Variants in DTX2 observed in about 807,000 individuals in gnomAD.
DTX2 encodes the protein deltex E3 ubiquitin ligase 2.
Under a neutral mutation model 55.3 loss-of-function variants are expected in DTX2, and 29 were observed. The observed-to-expected ratio is 0.52, with a 90% CI of 0.39 to 0.71. DTX2 has a LOEUF of 0.71. DTX2 is among the 30% of genes least tolerant of loss of function. DTX2 has a pLI of 0.00. For synonymous variants in DTX2, 276 were observed against 340.4 expected (o/e 0.81, Z 2.08); for missense variants, 537 against 822.5 (o/e 0.65, Z 4.25).
rs746628260 is a variant in DTX2, at chr7:76,502,364, G to A, written c.1297G>A (p.Ala433Thr). 1.2e-6 allele frequency: 2 copies of A among 1,612,314 alleles called. No homozygotes were observed. The highest frequency in any genetic ancestry group is 2.2e-5 in the East Asian group (1 of 44,846). Residue 433 changes from alanine to threonine, a missense_variant, in exon 8 of 11, where the codon GCA becomes ACA. Around this residue, in one of 7 missense-constraint regions of DTX2, gnomAD observed 121 missense variants for 136.8 expected, o/e 0.88. Coordinates refer to ENST00000430490, the MANE Select transcript of DTX2 (RefSeq NM_001102594.3). ...SGYSDVTDSK[A>T]IGSLAVGHLT... Reference sequence around the variant, plus strand: ...ATACAGCGATGTGACTGACAGCAAGGCAATCGGGTCCCTAGCTGTGGGCCA... The same window carrying A: ...ATACAGCGATGTGACTGACAGCAAGACAATCGGGTCCCTAGCTGTGGGCCA...
chr7:76,503,382 G>A (rs577144022), intron 8 of DTX2, 44 bp from the exon 9 acceptor site: 24 of 1,595,214 alleles, frequency 1.5e-5, no homozygotes, highest in Middle Eastern at 4.0e-4. Context: ...GGTCTTGGGT[G>A]TTCTCAGACT....
intron 4 of DTX2, 103 bp downstream of exon 4, chr7:76,483,250 G>T: frequency 2.2e-6 from 3 of 1,388,002 alleles, no homozygotes; most frequent in Non-Finnish European, 2.9e-6. Flanking sequence ...CCCCCTAGGT[G>T]GTCCTGCCGT....
chr7:76,503,724 A>G (rs2690527), intron 9 of DTX2, 137 bp downstream of exon 9: 20,366 of 909,606 alleles, frequency 0.022, 540 homozygotes, highest in East Asian at 0.045. Flanking sequence ...CTAAGGCCAG[A>G]GCCATGGAGG....
chr7:76,467,058 G>T (rs541240888), intron 2 of DTX2, among the ~76,000 whole-genome samples: 2 of 151,846 alleles, frequency 1.3e-5, no homozygotes, highest in Admixed American at 1.3e-4. Context: ...AGGCTACCAT[G>T]CTTAGCTAAT....
At position 76,505,134 on chromosome 7, in the gene DTX2, C is replaced by T. The variant is rs1380474675; in HGVS notation, c.1642-240C>T. 2.6e-5 allele frequency among the ~76,000 whole-genome samples: 4 copies of T among 152,042 alleles called. No homozygotes were observed. In the South Asian group the frequency reaches 6.2e-4, roughly 24 times the overall value. On this transcript the variant is annotated intron_variant, in intron 10 of 10. Coordinates refer to ENST00000430490, the MANE Select transcript of DTX2 (RefSeq NM_001102594.3). The surrounding 1 kb of genome is among the most constrained non-coding windows in gnomAD (Gnocchi z 4.4). ...ATGGTGCCTGGGCATCAGGACCAAACGGATGGCAGTGCCAGGCACTGAGGC... is the reference window on the plus strand; with the variant it reads ...ATGGTGCCTGGGCATCAGGACCAAATGGATGGCAGTGCCAGGCACTGAGGC...
chr7:76,466,447 T>A (rs1807194870), intron 2 of DTX2, among the ~76,000 whole-genome samples: 1 of 151,766 alleles, frequency 6.6e-6, no homozygotes, highest in South Asian at 2.1e-4. Flanking sequence ...TTTAAAAAGT[T>A]TTCTACTTTA....
At chr7:76,501,516 C>G (rs1301616827) in intron 7 of DTX2, among the ~76,000 whole-genome samples, 1 of 151,410 alleles carries the variant, frequency 6.6e-6, no homozygotes, top group Non-Finnish European at 1.5e-5. Flanking sequence ...CCTGGAACCG[C>G]CAGCAGGACC....
At chr7:76,501,237 C>T (rs1263975740) in intron 7 of DTX2, 2 of 455,340 alleles carry the variant, frequency 4.4e-6, no homozygotes, top group African/African-American at 4.0e-5. Flanking sequence ...CCCCAGTACC[C>T]AGGGACTCTT....
rs1812185837 is a variant in DTX2 at position 76,505,047 on chromosome 7, A to C, written c.1642-327A>C. Among the ~76,000 whole-genome samples the C allele has an allele frequency of 3.6e-4, 1 of 2,758 alleles. No homozygotes were observed. Among genetic ancestry groups the C allele is most frequent in the African/African-American group, 1.6e-3 (1 of 626 alleles). 1.8% of individuals were successfully genotyped at this position (2,758 alleles called of 152,430 possible). ...AGGGCAGGGAGGCCTGGATTCCACC[A>C]GGGAGGGTGGGTGGGCGGGCGCTCG... On this transcript the variant is annotated intron_variant, in intron 10 of 10. Transcript: ENST00000430490. This position sits in a 1 kb window ranked among gnomAD's most constrained non-coding sequence, Gnocchi z 4.4.
chr7:76,469,533 C>T (rs1478728075), intron 2 of DTX2, among the ~76,000 whole-genome samples: 1 of 150,492 alleles, frequency 6.6e-6, no homozygotes, highest in Non-Finnish European at 1.5e-5. Flanking sequence ...ACTGGGACTA[C>T]AGGCGCTCGC....
chr7:76,481,621 T>C (rs554132136), intron 3 of DTX2, among the ~76,000 whole-genome samples: 14 of 151,920 alleles, frequency 9.2e-5, no homozygotes, highest in Non-Finnish European at 1.3e-4. Flanking sequence ...TTGGAGACAT[T>C]GTTGGTTGTT....
intron 6 of DTX2, chr7:76,500,072 T>C (rs1399602818): frequency 2.8e-6 from 1 of 360,130 alleles, no homozygotes; most frequent in Middle Eastern, 1.0e-3. Flanking sequence ...CTGGAGTAGT[T>C]TGTGCCCGAA....
chr7:76,474,975 T>C (rs1421994733), intron 2 of DTX2: 1 of 152,090 alleles, frequency 6.6e-6, no homozygotes, highest in African/African-American at 2.4e-5. Flanking sequence ...GGGTTTGTTT[T>C]TCCTGGTCAA....
chr7:76,503,758 G>C (rs1812011363), intron 9 of DTX2, among the ~76,000 whole-genome samples, 171 bp downstream of exon 9: 1 of 150,196 alleles, frequency 6.7e-6, no homozygotes, highest in Admixed American at 6.7e-5. Context: ...AGGCAGTGCC[G>C]GGGCTTAGGG....
At chr7:76,490,977 A>G (rs1810343459) in intron 4 of DTX2, among the ~76,000 whole-genome samples, 1 of 121,758 alleles carries the variant, frequency 8.2e-6, no homozygotes, top group Non-Finnish European at 1.7e-5. Flanking sequence ...TCCTCTAAAC[A>G]GGTGCTATGA....
chr7:76,468,444 T>G (rs2116162911), intron 2 of DTX2, among the ~76,000 whole-genome samples: 1 of 67,158 alleles, frequency 1.5e-5, no homozygotes, highest in Non-Finnish European at 2.8e-5. Flanking sequence ...TCTGGCCCAC[T>G]GCCATTTTTT....
At position 76,502,456 on chromosome 7, in the gene DTX2, G is replaced by C; in HGVS notation, c.1389G>C (p.Lys463Asn). The C allele has an allele frequency of 6.2e-7, 1 of 1,611,178 alleles. No individual in the cohort carries two copies. Among genetic ancestry groups the C allele is most frequent in the Non-Finnish European group, 8.5e-7 (1 of 1,179,590 alleles). The change falls in exon 8 of 11, where the codon AAG (lysine) becomes AAC (asparagine). Residue 463 changes from lysine (K) to asparagine (N), a missense_variant and splice_region_variant. Coordinates refer to ENST00000430490, the MANE Select transcript of DTX2 (RefSeq NM_001102594.3). ...CLLAMYCNGN[K>N]DGSLQCPSCK... Reference sequence around the variant, plus strand: ...TGGCCATGTACTGCAACGGCAATAAGGTGCCCCCACTGGCCCAGGGCGGAG... The same window carrying C: ...TGGCCATGTACTGCAACGGCAATAACGTGCCCCCACTGGCCCAGGGCGGAG...
At chr7:76,501,161 T>C (rs1262637881) in intron 7 of DTX2, 1 of 401,638 alleles carries the variant, frequency 2.5e-6, no homozygotes, top group East Asian at 7.2e-5. Context: ...AGGGGGTGGG[T>C]GAACGGCCGG....
In DTX2 at chr7:76,480,578, A is replaced by T; in HGVS notation, c.69A>T (p.Glu23Asp). 1 of 1,612,886 alleles carries T rather than the reference A, an allele frequency of 6.2e-7. No individual in the cohort carries two copies. The highest frequency in any genetic ancestry group is 8.5e-7 in the Non-Finnish European group (1 of 1,179,966). ...GCCCCGCGGCTGTGGCCGTGTGGGAATGGCAGGACGGGCTGGGCACCTGGC... is the reference window on the plus strand; with the variant it reads ...GCCCCGCGGCTGTGGCCGTGTGGGATTGGCAGGACGGGCTGGGCACCTGGC... The part of the protein sequence containing the change: ...YTSPAAVAVW[E>D]WQDGLGTWHP... Residue 23 changes from glutamate to aspartate, a missense_variant, in exon 3 of 11, where the codon GAA (glutamate) becomes GAT (aspartate). Physicochemically the swap from Glu to Asp is conservative, Grantham distance 45. Transcript: ENST00000430490.
Sources: allele counts gnomAD v4.1 joint callset (sites outside exome capture counted in the v4.1 genomes callset), GRCh38; gene constraint gnomAD v4.1.1; regional missense constraint gnomAD v4.1.1; non-coding constraint Gnocchi (gnomAD v3.1); transcripts MANE v1.5; gene names NCBI Gene and HGNC (gene_info 2026-07-23, HGNC 2026-07-21).